OPHN1: variants seen among roughly 807,000 people sequenced by gnomAD.
OPHN1 encodes the protein oligophrenin 1.
OPHN1 carries 11 observed loss-of-function variants against 60.7 expected under a neutral mutation model. The ratio of observed to expected loss-of-function variants is 0.18; its 90% CI spans 0.11 to 0.30. The LOEUF is 0.30. Ranked by LOEUF, OPHN1 falls within the 10% of genes least tolerant of loss-of-function variation. OPHN1 has a pLI of 1.00. For synonymous variants in OPHN1, 226 were observed against 222.6 expected (o/e 1.02, Z -0.14); for missense variants, 449 against 611.0 (o/e 0.73, Z 2.80).
intron 15 of OPHN1, among the ~76,000 whole-genome samples, chrX:68,123,554 T>C (rs911968471): frequency 8.9e-6 from 1 of 111,840 alleles, no homozygotes; most frequent in African/African-American, 3.2e-5. Flanking sequence ...AAGACATAAA[T>C]GGAAACAACA....
At chrX:68,280,553 T>C (rs5919545) in intron 4 of OPHN1, among the ~76,000 whole-genome samples, 128 of 111,765 alleles carry the variant, frequency 1.1e-3, no homozygotes, top group Non-Finnish European at 1.9e-3. Context: ...AAAGGGATTT[T>C]ATAGGTAAAT....
chrX:68,222,400 A>G (rs2077664944), intron 6 of OPHN1, among the ~76,000 whole-genome samples: 1 of 108,019 alleles, frequency 9.3e-6, no homozygotes, highest in Admixed American at 9.9e-5. Context: ...AACTAGAAAT[A>G]CCATTTGACC....
intron 16 of OPHN1, among the ~76,000 whole-genome samples, chrX:68,118,431 A>G (rs1298652739): frequency 1.8e-5 from 2 of 112,048 alleles, no homozygotes; most frequent in Non-Finnish European, 3.8e-5. Flanking sequence ...ATGATGCTAC[A>G]GTAGCAAAAT....
At chrX:68,404,560 T>G (rs942555797) in intron 2 of OPHN1, among the ~76,000 whole-genome samples, 1 of 111,715 alleles carries the variant, frequency 9.0e-6, no homozygotes, top group African/African-American at 3.3e-5. Flanking sequence ...TGCACACTTA[T>G]GTACTCTGCA....
intron 5 of OPHN1, among the ~76,000 whole-genome samples, chrX:68,266,243 C>T (rs771281037): frequency 9.0e-6 from 1 of 111,098 alleles, no homozygotes; most frequent in Admixed American, 9.6e-5. Flanking sequence ...CACCAAAGTT[C>T]ACATGAAGGA....
At chrX:68,384,900 C>A (rs945649539) in intron 2 of OPHN1, among the ~76,000 whole-genome samples, 1 of 110,259 alleles carries the variant, frequency 9.1e-6, no homozygotes. Context: ...GGCTTGGGGT[C>A]TCCGGGGGAA....
Position 68,387,913 on chromosome X carries a change from T to A in OPHN1, c.154+44954A>T, listed in dbSNP as rs561541611. 6.1e-4 allele frequency among the ~76,000 whole-genome samples: 67 copies of A among 110,627 alleles called. No individual in the cohort carries two copies. The South Asian group carries it at 0.025, about 41-fold the overall frequency. Reference sequence around the variant, plus strand: ...GATGCAGAGAGCTTTACAGAAGAGATTTGAGCTGGAGCTTGAAGAATGAGT... The same window carrying A: ...GATGCAGAGAGCTTTACAGAAGAGAATTGAGCTGGAGCTTGAAGAATGAGT... On this transcript the variant is annotated intron_variant, in intron 2 of 24. Coordinates refer to ENST00000355520, the MANE Select transcript of OPHN1 (RefSeq NM_002547.3).
chrX:68,433,644 G>T, upstream of OPHN1: 1 of 297,078 alleles, frequency 3.4e-6, no homozygotes, highest in South Asian at 2.1e-4. Context: ...AGAGTTTCCT[G>T]ACCAGGGCCC....
chrX:68,291,138 T>C (rs1431128234), intron 3 of OPHN1, among the ~76,000 whole-genome samples: 1 of 111,016 alleles, frequency 9.0e-6, no homozygotes, highest in African/African-American at 3.3e-5. Flanking sequence ...CATATCCCCA[T>C]GAAGAAAAGT....
At chrX:68,169,983 A>G (rs1232192235) in intron 15 of OPHN1, among the ~76,000 whole-genome samples, 1 of 109,204 alleles carries the variant, frequency 9.2e-6, no homozygotes, top group Non-Finnish European at 1.9e-5. Context: ...CTACCATCAG[A>G]GCGAACAGGC....
chrX:68,134,059 C>T (rs2077209197), intron 15 of OPHN1, among the ~76,000 whole-genome samples: 2 of 110,301 alleles, frequency 1.8e-5, no homozygotes, highest in South Asian at 7.9e-4. Flanking sequence ...CCTGTAGTTC[C>T]AGCTACTCAG....
chrX:68,328,385 C>T (rs1426941773), intron 2 of OPHN1, among the ~76,000 whole-genome samples: 1 of 112,400 alleles, frequency 8.9e-6, no homozygotes, highest in Non-Finnish European at 1.9e-5. Flanking sequence ...ACCTCGGCCT[C>T]CCGAAGTGCT....
At chrX:68,194,837 G>A (rs1004740419) in intron 12 of OPHN1, among the ~76,000 whole-genome samples, 7 of 109,243 alleles carry the variant, frequency 6.4e-5, no homozygotes, top group Non-Finnish European at 1.1e-4. Flanking sequence ...GCATGGTGGC[G>A]TGCACCTGTA....
chrX:68,385,544 T>C (rs749526102), intron 2 of OPHN1, among the ~76,000 whole-genome samples: 2 of 112,319 alleles, frequency 1.8e-5, no homozygotes, highest in South Asian at 3.7e-4. Context: ...CAGTCAGTCA[T>C]GTTTTGTTTG....
At chrX:68,186,748 G>T (rs1029927746) in intron 15 of OPHN1, among the ~76,000 whole-genome samples, 13 of 111,586 alleles carry the variant, frequency 1.2e-4, no homozygotes, top group Non-Finnish European at 9.4e-5. Flanking sequence ...GGGTTCTGAT[G>T]AGGGACCTTT....
At chrX:68,393,830 A>G (rs1237637738) in intron 2 of OPHN1, among the ~76,000 whole-genome samples, 2 of 97,620 alleles carry the variant, frequency 2.0e-5, no homozygotes, top group African/African-American at 7.4e-5. Context: ...AGCATGAGGT[A>G]TGGATACTAA....
chrX:68,345,652 T>C (rs1292369926), intron 2 of OPHN1, among the ~76,000 whole-genome samples: 1 of 111,131 alleles, frequency 9.0e-6, no homozygotes, highest in Non-Finnish European at 1.9e-5. Flanking sequence ...ACCCAGGAGT[T>C]CCAGACCAGC....
intron 6 of OPHN1, among the ~76,000 whole-genome samples, chrX:68,226,027 G>T (rs1280211096): frequency 9.0e-6 from 1 of 111,483 alleles, no homozygotes; most frequent in Admixed American, 9.6e-5. Flanking sequence ...GCATAGAGAA[G>T]ACCTTAAATG....
chrX:68,079,135 G>A (rs1332090700), intron 19 of OPHN1, among the ~76,000 whole-genome samples: 1 of 110,944 alleles, frequency 9.0e-6, no homozygotes, highest in Non-Finnish European at 1.9e-5. Flanking sequence ...CTCTACCTAT[G>A]CTCTGGATCC....
Sources: allele counts gnomAD v4.1 joint callset (sites outside exome capture counted in the v4.1 genomes callset), GRCh38; gene constraint gnomAD v4.1.1; transcripts MANE v1.5; gene names NCBI Gene and HGNC (gene_info 2026-07-23, HGNC 2026-07-21).